Variants in ARL8A observed in about 807,000 individuals in gnomAD.
ARL8A encodes the protein ARF like GTPase 8A, also known as ADP-ribosylation factor-like protein 8A.
In ARL8A, 10 loss-of-function variants were observed where a neutral mutation model predicts 31.2. The ratio of observed to expected loss-of-function variants is 0.32; its 90% CI spans 0.20 to 0.54. The LOEUF (loss-of-function observed/expected upper bound fraction) is 0.54, where lower values mean the gene tolerates loss of function less well. Among genes scored for constraint, ARL8A ranks in the 20% least tolerant of loss-of-function variants. The probability of loss-of-function intolerance (pLI) is 0.93; values close to 1 mark genes in which losing one functional copy is unlikely to be tolerated. For missense variants in ARL8A, 129 were observed against 242.8 expected (o/e 0.53, Z 3.12); for synonymous variants, 70 against 86.9 (o/e 0.81, Z 1.08).
intron 3 of ARL8A, among the ~76,000 whole-genome samples, chr1:202,137,703 C>A (rs926924577): frequency 6.6e-6 from 1 of 151,902 alleles, no homozygotes; most frequent in African/African-American, 2.4e-5. Flanking sequence ...GGGAGGGAGA[C>A]AAGTCAATGA....
chr1:202,135,797 GT>G lies in ARL8A; in HGVS notation c.281del (p.Tyr94SerfsTer33). On this transcript the variant is annotated frameshift_variant and splice_region_variant, in exon 4 of 7. Coordinates refer to ENST00000272217, the MANE Select transcript of ARL8A (RefSeq NM_138795.4). LOFTEE classifies it high-confidence loss of function. The surrounding 1 kb of genome is among the most constrained non-coding windows in gnomAD (Gnocchi z 5.3). ...RYCRGVSAIV[Y>X]MVDAADQEKI... The stretch of plus-strand genomic sequence containing the variant: ...TCTCCTGGTCAGCAGCATCCACCAT[GT>G]ACCTGGGGAAAGAGGCAGGGTGGGG... 6.2e-7 allele frequency: 1 copy of G among 1,613,888 alleles called. No individual in the cohort carries two copies. The highest frequency in any genetic ancestry group is 8.5e-7 in the Non-Finnish European group (1 of 1,179,756).
In ARL8A at chr1:202,134,731, C is replaced by T. The variant is rs115633954; in HGVS notation, c.512-215G>A. ...TGGAGGCTGCAGTGAGCTATGGTCA[C>T]GCCACTGAACTCCAGCCTGGGTGAC... On this transcript the variant is annotated intron_variant, in intron 6 of 6. Transcript: ENST00000272217. This position sits in a 1 kb window ranked among gnomAD's most constrained non-coding sequence, Gnocchi z 4.2. 9.3e-3 allele frequency among the ~76,000 whole-genome samples: 1,410 copies of T among 152,172 alleles called. 10 individuals carry two copies. Among genetic ancestry groups the T allele is most frequent in the South Asian group, 0.02 (94 of 4,820 alleles).
chr1:202,141,671 GAAA>G (rs147319368), intron 1 of ARL8A, among the ~76,000 whole-genome samples: 3 of 149,272 alleles, frequency 2.0e-5, no homozygotes, highest in Non-Finnish European at 4.4e-5. Flanking sequence ...AGAAAAAAAA[GAAA>G]AAAAAATCTA....
At position 202,138,294 on chromosome 1, in the gene ARL8A, A is replaced by ACACACACACACAC. The variant is rs1655070307; in HGVS notation, c.204+73_204+74insGTGTGTGTGTGTG. On this transcript the variant is annotated intron_variant, in intron 2 of 6. Transcript: ENST00000272217. The surrounding 1 kb of genome is among the most constrained non-coding windows in gnomAD (Gnocchi z 4.4). ...CCCAGGGGCCTCCGTTGCCCTCCCC[A>ACACACACACACAC]ACACACACACACACACACACACACA... 3 of 1,192,398 alleles carry ACACACACACACAC rather than the reference A, an allele frequency of 2.5e-6. No individual in the cohort carries two copies. In the African/African-American group the frequency reaches 4.7e-5, roughly 19 times the overall value. 73.9% of individuals were successfully genotyped at this position (1,192,398 alleles called of 1,614,324 possible).
rs1449289482 is a variant in ARL8A, at chr1:202,134,515, G to A, written c.513C>T (p.Asp171=). The change falls in exon 7 of 7, where the codon GAC becomes GAT. Residue 171 remains aspartate (D), a splice_region_variant and synonymous_variant. Transcript: ENST00000272217. The surrounding 1 kb of genome is among the most constrained non-coding windows in gnomAD (Gnocchi z 4.2). ...SISCKEKDNI[D]ITLQWLIQHS... is the part of the protein sequence containing the mutation. The stretch of plus-strand genomic sequence containing the variant: ...GTTGAATAAGCCACTGTAGGGTGAT[G>A]TCTGATAGGAGAAAAGAGAACAGCT... 1 of 1,612,814 alleles carries A rather than the reference G, an allele frequency of 6.2e-7. No individual in the cohort carries two copies. Among genetic ancestry groups the A allele is most frequent in the Non-Finnish European group, 8.5e-7 (1 of 1,178,844 alleles).
At position 202,138,476 on chromosome 1, in the gene ARL8A, A is replaced by T. The variant is rs1655078391; in HGVS notation, c.124-28T>A. On this transcript the variant is annotated intron_variant, in intron 1 of 6. Coordinates refer to ENST00000272217, the MANE Select transcript of ARL8A (RefSeq NM_138795.4). The surrounding 1 kb of genome is among the most constrained non-coding windows in gnomAD (Gnocchi z 4.4). ...GGAAAGAAGACTCAGAATGGGAAAC[A>T]GTGCAAAAATCGATATGCCCCCACC... 1 of 1,607,676 alleles carries T rather than the reference A, an allele frequency of 6.2e-7. No individual in the cohort carries two copies. Among genetic ancestry groups the T allele is most frequent in the African/African-American group, 1.3e-5 (1 of 74,754 alleles).
At chr1:202,140,202 T>C (rs147171366) in intron 1 of ARL8A, among the ~76,000 whole-genome samples, 1,822 of 151,240 alleles carry the variant, frequency 0.012, 28 homozygotes, top group African/African-American at 0.041. Context: ...TGATCTCGGC[T>C]CACTGTAGCC....
rs916234253 is a variant in ARL8A at position 202,144,115 on chromosome 1, G to C, written c.123+335C>G. On this transcript the variant is annotated intron_variant, in intron 1 of 6. Transcript: ENST00000272217. The surrounding 1 kb of genome is among the most constrained non-coding windows in gnomAD (Gnocchi z 5.2). ...GCCCCCTTGCGCGGGGGCCAGAGGG[G>C]GCCCGTCTCAGCCGGCAGCGGGTCC... is the stretch of plus-strand genomic sequence containing the variant. Among the ~76,000 whole-genome samples, 2 of 152,168 alleles carry C rather than the reference G, an allele frequency of 1.3e-5. No homozygotes were observed. Among genetic ancestry groups the C allele is most frequent in the African/African-American group, 4.8e-5 (2 of 41,460 alleles).
Position 202,133,789 on chromosome 1 carries a change from T to C in ARL8A, c.*678A>G, listed in dbSNP as rs931825877. The C allele has an allele frequency of 6.6e-6, 1 of 152,088 alleles. No individual in the cohort carries two copies. Among genetic ancestry groups the C allele is most frequent in the Non-Finnish European group, 1.5e-5 (1 of 68,036 alleles). The allele number at this position is 152,088 out of a possible 1,614,324, so 9.4% of individuals were successfully genotyped here. On this transcript the variant is annotated 3_prime_UTR_variant, in exon 7 of 7. Transcript: ENST00000272217. ...TCTGGTACCTGGTCGTCGTACCTGGTGGCTCTACCCAGGCTGGGGGTCGAG... is the reference window on the plus strand; with the variant it reads ...TCTGGTACCTGGTCGTCGTACCTGGCGGCTCTACCCAGGCTGGGGGTCGAG...
intron 1 of ARL8A, among the ~76,000 whole-genome samples, chr1:202,139,175 A>C (rs1019054293): frequency 1.3e-5 from 2 of 152,154 alleles, no homozygotes; most frequent in African/African-American, 4.8e-5. Context: ...GGATTCTTCT[A>C]AACTACCTAC....
At chr1:202,139,907 C>T (rs766938670) in intron 1 of ARL8A, among the ~76,000 whole-genome samples, 53 of 151,918 alleles carry the variant, frequency 3.5e-4, no homozygotes, top group Non-Finnish European at 6.9e-4. Flanking sequence ...CTGGGCCTCC[C>T]AAAGCGCTGG....
At position 202,138,793 on chromosome 1, in the gene ARL8A, C is replaced by T. The variant is rs1655086943; in HGVS notation, c.124-345G>A. ...AGAGGAAGAAGAAATTACCTTCCAGCAAGAGAACTTGAAGCAAGTCATGTT... is the reference window on the plus strand; with the variant it reads ...AGAGGAAGAAGAAATTACCTTCCAGTAAGAGAACTTGAAGCAAGTCATGTT... On this transcript the variant is annotated intron_variant, in intron 1 of 6. Transcript: ENST00000272217. The surrounding 1 kb of genome is among the most constrained non-coding windows in gnomAD (Gnocchi z 4.4). 2.0e-5 allele frequency among the ~76,000 whole-genome samples: 3 copies of T among 152,188 alleles called. No homozygotes were observed. In the South Asian group the frequency reaches 6.2e-4, roughly 32 times the overall value.
At position 202,144,640 on chromosome 1, in the gene ARL8A, C is replaced by G. The variant is rs1655255940; in HGVS notation, c.-68G>C. 3 of 1,227,324 alleles carry G rather than the reference C, an allele frequency of 2.4e-6. No individual in the cohort carries two copies. In the South Asian group the frequency reaches 5.2e-5, roughly 21 times the overall value. 76.0% of individuals were successfully genotyped at this position (1,227,324 alleles called of 1,614,324 possible). On this transcript the variant is annotated 5_prime_UTR_variant, in exon 1 of 7. Transcript: ENST00000272217. The surrounding 1 kb of genome is among the most constrained non-coding windows in gnomAD (Gnocchi z 5.2). Reference sequence around the variant, plus strand: ...CCCTCGCTGCCCTCGCGCTGCGGCCCGGAGCGGCCCCTCCCCGGTACGGCC... The same window carrying G: ...CCCTCGCTGCCCTCGCGCTGCGGCCGGGAGCGGCCCCTCCCCGGTACGGCC...
chr1:202,135,166 T>C lies in ARL8A; in HGVS notation c.495A>G (p.Lys165=), dbSNP rs1654970800. Residue 165 remains lysine (K), a synonymous_variant, in exon 6 of 7, where the codon AAA becomes AAG. Coordinates refer to ENST00000272217, the MANE Select transcript of ARL8A (RefSeq NM_138795.4). This position sits in a 1 kb window ranked among gnomAD's most constrained non-coding sequence, Gnocchi z 5.3. ...REICCYSISC[K]EKDNIDITLQ... The stretch of plus-strand genomic sequence containing the variant: ...CCTACGCACCAATGTTGTCCTTTTC[T>C]TTGCAAGAGATGGAGTAGCAGCAGA... The C allele has an allele frequency of 1.9e-6, 3 of 1,613,954 alleles. No homozygotes were observed. Among genetic ancestry groups the C allele is most frequent in the South Asian group, 2.2e-5 (2 of 91,084 alleles).
chr1:202,140,296 A>AT (rs77654638), intron 1 of ARL8A, among the ~76,000 whole-genome samples: 9,041 of 137,574 alleles, frequency 0.066, 805 homozygotes, highest in African/African-American at 0.2. Flanking sequence ...TGCCTAGCTA[A>AT]TTTTTTTTTT....
rs951013896 is a variant in ARL8A at position 202,138,538 on chromosome 1, G to C, written c.124-90C>G. The C allele has an allele frequency of 1.6e-6, 2 of 1,258,326 alleles. No individual in the cohort carries two copies. Among genetic ancestry groups the C allele is most frequent in the African/African-American group, 3.0e-5 (2 of 67,318 alleles). The allele number at this position is 1,258,326 out of a possible 1,614,324, so 77.9% of individuals were successfully genotyped here. On this transcript the variant is annotated intron_variant, in intron 1 of 6. Coordinates refer to ENST00000272217, the MANE Select transcript of ARL8A (RefSeq NM_138795.4). This position sits in a 1 kb window ranked among gnomAD's most constrained non-coding sequence, Gnocchi z 4.4. The stretch of plus-strand genomic sequence containing the variant: ...GGCTGCGAGAACCATGCAGAGGCCA[G>C]GCCAGAGCTTCCTAGACTTCCCACT...
intron 3 of ARL8A, 70 bp downstream of exon 3, chr1:202,137,895 G>A (rs1489362331): frequency 6.5e-7 from 1 of 1,543,808 alleles, no homozygotes; most frequent in Non-Finnish European, 8.9e-7. Flanking sequence ...CGCCTCTGAG[G>A]TCCTCGAAGG....
At position 202,135,408 on chromosome 1, in the gene ARL8A, GTGGT is replaced by G. The variant is rs1417305588; in HGVS notation, c.440+47_440+50del. On this transcript the variant is annotated intron_variant, in intron 5 of 6. Transcript: ENST00000272217. The surrounding 1 kb of genome is among the most constrained non-coding windows in gnomAD (Gnocchi z 5.3). ...GCAGCAAGCCTAGGCTGTTGGTCTG[GTGGT>G]TGGGGAATTGGGAGAGCAGAAAGTA... 2.5e-6 allele frequency: 4 copies of G among 1,593,226 alleles called. No individual in the cohort carries two copies. The highest frequency in any genetic ancestry group is 3.4e-6 in the Non-Finnish European group (4 of 1,161,082).
rs1458619766 is a variant in ARL8A, at chr1:202,144,287, G to A, written c.123+163C>T. 6.6e-6 allele frequency among the ~76,000 whole-genome samples: 1 copy of A among 151,610 alleles called. No individual in the cohort carries two copies. The highest frequency in any genetic ancestry group is 2.4e-5 in the African/African-American group (1 of 41,354). ...GCCCCGGTCCCCCACGGCACGGGCC[G>A]TACTAGGCCCCAAGCGCTCGGGGCC... On this transcript the variant is annotated intron_variant, in intron 1 of 6. Transcript: ENST00000272217. This position sits in a 1 kb window ranked among gnomAD's most constrained non-coding sequence, Gnocchi z 5.2.
Sources: allele counts gnomAD v4.1 joint callset (sites outside exome capture counted in the v4.1 genomes callset), GRCh38; gene constraint gnomAD v4.1.1; non-coding constraint Gnocchi (gnomAD v3.1); transcripts MANE v1.5; gene names NCBI Gene and HGNC (gene_info 2026-07-23, HGNC 2026-07-21).